EYS: variants seen among roughly 807,000 people sequenced by gnomAD.
The protein encoded by EYS is EGF-like photoreceptor maintenance factor.
In EYS, 250 loss-of-function variants were observed where a neutral mutation model predicts 282.1. That is an observed-to-expected ratio of 0.89 (90% CI 0.80 to 0.98). The LOEUF (loss-of-function observed/expected upper bound fraction) is 0.98, where lower values mean the gene tolerates loss of function less well. Among genes scored for constraint, EYS ranks in the 50% least tolerant of loss-of-function variants. The pLI, the probability that EYS is intolerant of heterozygous loss-of-function variation, is 0.00. For synonymous variants in EYS, 1,355 were observed against 1,282.9 expected (o/e 1.06, Z -1.20); for missense variants, 4,016 against 3,709.0 (o/e 1.08, Z -2.15).
chr6:63,979,357 G>T (rs1766988306), intron 35 of EYS, among the ~76,000 whole-genome samples: 1 of 151,892 alleles, frequency 6.6e-6, no homozygotes, highest in Non-Finnish European at 1.5e-5. Context: ...GATAGCACTG[G>T]TTAATGATGA....
intron 13 of EYS, among the ~76,000 whole-genome samples, chr6:65,043,818 T>A (rs1015029325): frequency 3.3e-5 from 5 of 151,724 alleles, no homozygotes; most frequent in African/African-American, 1.2e-4. Flanking sequence ...ATCTCCTGAC[T>A]ATTGTGAATA....
intron 24 of EYS, among the ~76,000 whole-genome samples, chr6:64,597,416 A>C (rs914086993): frequency 6.6e-6 from 1 of 152,200 alleles, no homozygotes; most frequent in Non-Finnish European, 1.5e-5. Context: ...ACATGTATTT[A>C]TATGTTTATC....
chr6:65,364,682 A>G (rs911721558), intron 8 of EYS, among the ~76,000 whole-genome samples: 1 of 151,558 alleles, frequency 6.6e-6, no homozygotes, highest in African/African-American at 2.4e-5. Context: ...CTCCTGGGTT[A>G]ATTTGGGTAC....
chr6:63,837,303 A>C (rs1421140386), intron 36 of EYS, among the ~76,000 whole-genome samples: 1 of 152,014 alleles, frequency 6.6e-6, no homozygotes, highest in Non-Finnish European at 1.5e-5. Flanking sequence ...GGATTTTCTC[A>C]TCTGTGTAGA....
chr6:64,932,312 A>C (rs1007069983), intron 15 of EYS, among the ~76,000 whole-genome samples: 3 of 152,046 alleles, frequency 2.0e-5, no homozygotes, highest in Admixed American at 2.0e-4. Flanking sequence ...CATTGGTTTG[A>C]CAGCACTCTG....
intron 15 of EYS, among the ~76,000 whole-genome samples, chr6:64,931,550 A>C (rs1471333412): frequency 6.6e-6 from 1 of 152,096 alleles, no homozygotes; most frequent in Non-Finnish European, 1.5e-5. Context: ...ATAAAATGGA[A>C]TTAGTTGATA....
At chr6:63,758,302 A>T (rs530368566) in intron 41 of EYS, among the ~76,000 whole-genome samples, 2 of 152,250 alleles carry the variant, frequency 1.3e-5, no homozygotes, top group Admixed American at 6.5e-5. Context: ...TACATCTTTT[A>T]TATAGAAAAC....
intron 19 of EYS, among the ~76,000 whole-genome samples, chr6:64,848,667 C>T (rs1313589340): frequency 1.3e-5 from 2 of 152,070 alleles, no homozygotes; most frequent in East Asian, 3.9e-4. Context: ...TTGTACTGAA[C>T]AAGCGAATGC....
chr6:63,833,112 A>C (rs896431606), intron 36 of EYS, among the ~76,000 whole-genome samples: 4 of 152,228 alleles, frequency 2.6e-5, no homozygotes, highest in Admixed American at 2.0e-4. Flanking sequence ...CCAATATCAT[A>C]CTGAATGGGC....
At chr6:65,273,795 C>T in intron 12 of EYS, among the ~76,000 whole-genome samples, 1 of 152,246 alleles carries the variant, frequency 6.6e-6, no homozygotes, top group South Asian at 2.1e-4. Context: ...ATAAAAACCC[C>T]ACTCTGTCTT....
intron 37 of EYS, among the ~76,000 whole-genome samples, chr6:63,794,341 C>T (rs1770588530): frequency 6.6e-6 from 1 of 152,108 alleles, no homozygotes; most frequent in Admixed American, 6.5e-5. Flanking sequence ...CCTAGTTAGC[C>T]TCTTGGGTCG....
chr6:63,903,053 A>G (rs1562087989), intron 35 of EYS, among the ~76,000 whole-genome samples: 1 of 152,204 alleles, frequency 6.6e-6, no homozygotes, highest in Non-Finnish European at 1.5e-5. Context: ...CTAAGGATCC[A>G]TCAGAAGTTG....
chr6:64,548,887 T>C (rs73767336), intron 26 of EYS, among the ~76,000 whole-genome samples: 2,973 of 152,054 alleles, frequency 0.02, 93 homozygotes, highest in African/African-American at 0.067. Context: ...TCTGAGCTCC[T>C]TCCTCCCAAC....
intron 12 of EYS, among the ~76,000 whole-genome samples, chr6:65,161,649 C>A (rs989348282): frequency 2.7e-5 from 4 of 150,902 alleles, no homozygotes; most frequent in Admixed American, 6.6e-5. Flanking sequence ...CTTCACAATG[C>A]TGCCTTACTT....
chr6:65,580,648 T>C (rs758952906), intron 2 of EYS, among the ~76,000 whole-genome samples: 28 of 152,212 alleles, frequency 1.8e-4, no homozygotes, highest in Non-Finnish European at 3.8e-4. Flanking sequence ...TTGAATGTCA[T>C]AGATCTGTAT....
chr6:65,691,986 C>A (rs1286675501), intron 1 of EYS, among the ~76,000 whole-genome samples: 1 of 149,806 alleles, frequency 6.7e-6, no homozygotes, highest in African/African-American at 2.4e-5. Context: ...ATGTTTATTG[C>A]AGCACTTCTC....
intron 31 of EYS, among the ~76,000 whole-genome samples, chr6:64,096,566 G>A (rs576678780): frequency 1.8e-4 from 28 of 152,172 alleles, no homozygotes; most frequent in East Asian, 1.7e-3. Context: ...TTGTGCATTC[G>A]TCACGTAGTT....
At chr6:64,784,502 A>G (rs1287518557) in intron 22 of EYS, among the ~76,000 whole-genome samples, 2 of 152,124 alleles carry the variant, frequency 1.3e-5, no homozygotes, top group African/African-American at 4.8e-5. Flanking sequence ...ACTGGAATTT[A>G]AGATTTCTGA....
chr6:65,493,764 G>A (rs1033249026), intron 4 of EYS, among the ~76,000 whole-genome samples: 2 of 151,940 alleles, frequency 1.3e-5, no homozygotes, highest in African/African-American at 4.8e-5. Flanking sequence ...CTTTTATTGA[G>A]CTTATTACAA....
Sources: gnomAD v4.1 joint callset for allele counts (sites outside exome capture counted in the v4.1 genomes callset) on GRCh38, gnomAD v4.1.1 for gene constraint, MANE v1.5 for transcripts, NCBI Gene and HGNC (gene_info 2026-07-23, HGNC 2026-07-21) for gene names.